Variants in OR3A3 observed in about 807,000 individuals in gnomAD.
The protein encoded by OR3A3 is olfactory receptor 3A3.
For synonymous variants in OR3A3, 103 were observed against 163.9 expected, an observed-to-expected ratio of 0.63 and a Z score of 2.84; for missense variants, 275 against 391.4, an observed-to-expected ratio of 0.70 and a Z score of 2.51.
In OR3A3 at chr17:3,421,153, C is replaced by T. The variant is rs143072792; in HGVS notation, c.568C>T (p.Leu190Phe). ...CTGTGACCTCCCACAGCTCTTCCAGCTCTCCTGCTCCAGCACCCAACTCAA... is the reference window on the plus strand; with the variant it reads ...CTGTGACCTCCCACAGCTCTTCCAGTTCTCCTGCTCCAGCACCCAACTCAA... Residue 190 changes from leucine (L) to phenylalanine (F), a missense_variant, in exon 3 of 3, where the codon CTC becomes TTC. Coordinates refer to ENST00000641141, the Ensembl canonical transcript of OR3A3. 1.1e-5 allele frequency: 18 copies of T among 1,614,088 alleles called. No homozygotes were observed. The highest frequency in any genetic ancestry group is 1.5e-5 in the Non-Finnish European group (18 of 1,180,044).
At chr17:3,422,023 G>A (rs115092981) in exon 3 of OR3A3, 10 of 152,870 alleles carry the variant, frequency 6.5e-5, no homozygotes, top group African/African-American at 2.4e-4. Flanking sequence ...CTACAGGAAA[G>A]GGCCACTTCA....
intron 2 of OR3A3, 108 bp from the exon 3 acceptor site, chr17:3,420,472 T>G: frequency 6.5e-7 from 1 of 1,527,340 alleles, no homozygotes; most frequent in Non-Finnish European, 8.8e-7. Context: ...GTTGGAGGAG[T>G]GAGGGATGGC....
At chr17:3,421,836 A>G (rs1051990513) in exon 3 of OR3A3, 4 of 261,220 alleles carry the variant, frequency 1.5e-5, no homozygotes, top group Admixed American at 9.7e-5. Flanking sequence ...TAAGCATCAT[A>G]TATAGTATAC....
At chr17:3,420,884 G>C (rs1379918012) in exon 3 of OR3A3, 1 of 1,580,466 alleles carries the variant, frequency 6.3e-7, no homozygotes, top group Non-Finnish European at 8.7e-7. Flanking sequence ...TATGACGCCT[G>C]CCTCTCCCAG....
exon 2 of OR3A3, chr17:3,412,029 C>G (rs1389692816): frequency 6.6e-6 from 1 of 151,824 alleles, no homozygotes; most frequent in Non-Finnish European, 1.5e-5. Flanking sequence ...GAACACAGCC[C>G]TGTACAGAGA....
At chr17:3,418,635 C>A (rs1010553232) in intron 2 of OR3A3, among the ~76,000 whole-genome samples, 2 of 152,188 alleles carry the variant, frequency 1.3e-5, no homozygotes, top group African/African-American at 2.4e-5. Context: ...ATCAACCATA[C>A]TACTACAGCA....
At chr17:3,413,767 C>A (rs2072374533) in intron 2 of OR3A3, among the ~76,000 whole-genome samples, 2 of 148,138 alleles carry the variant, frequency 1.4e-5, no homozygotes, top group Admixed American at 1.4e-4. Context: ...GAGCCAAGAT[C>A]ATCAAAATCA....
chr17:3,413,165 T>C (rs2072371209), intron 2 of OR3A3, among the ~76,000 whole-genome samples: 1 of 152,114 alleles, frequency 6.6e-6, no homozygotes, highest in Admixed American at 6.5e-5. Flanking sequence ...GTAAGTTGCA[T>C]GAAATAATAT....
intron 2 of OR3A3, among the ~76,000 whole-genome samples, chr17:3,414,240 T>C (rs2072378223): frequency 1.3e-5 from 2 of 151,954 alleles, no homozygotes; most frequent in Non-Finnish European, 2.9e-5. Context: ...CCGGACTAAT[T>C]TTTTGTATTT....
intron 2 of OR3A3, among the ~76,000 whole-genome samples, chr17:3,416,382 T>A (rs538692224): frequency 3.3e-5 from 5 of 152,250 alleles, no homozygotes; most frequent in African/African-American, 7.2e-5. Flanking sequence ...GTTAATCTTT[T>A]ATGATTTCAT....
At chr17:3,418,787 G>T (rs1186626187) in intron 2 of OR3A3, among the ~76,000 whole-genome samples, 1 of 152,136 alleles carries the variant, frequency 6.6e-6, no homozygotes. Flanking sequence ...AGATACAAGG[G>T]TATGATATTG....
exon 3 of OR3A3, chr17:3,423,953 G>GAAAAAAAAAAAAAAAAAAAA (rs148900480): frequency 8.3e-6 from 1 of 120,040 alleles, no homozygotes; most frequent in Non-Finnish European, 1.7e-5. Flanking sequence ...CTCAAAAAAA[G>GAAAAAAAAAAAAAAAAAAAA]AAAAAAAAAA....
chr17:3,418,945 A>T lies in OR3A3; in HGVS notation c.-6-1635A>T, dbSNP rs16953022. Among the ~76,000 whole-genome samples the T allele has an allele frequency of 7.7e-3, 1,173 of 152,272 alleles. 15 individuals are homozygous for T. The highest frequency in any genetic ancestry group is 0.026 in the African/African-American group (1,088 of 41,546). On this transcript the variant is annotated intron_variant, in intron 2 of 2. Coordinates refer to ENST00000641141, the Ensembl canonical transcript of OR3A3. The stretch of plus-strand genomic sequence containing the variant: ...TAGCCTTAGAGTCATTGGTCAATCT[A>T]CCATGCCTGAATGAAGGACAAGTAG...
intron 2 of OR3A3, among the ~76,000 whole-genome samples, chr17:3,417,493 T>A (rs1042437758): frequency 6.6e-5 from 10 of 152,124 alleles, no homozygotes; most frequent in African/African-American, 2.4e-4. Context: ...GTAAAAAAAA[T>A]TCAGTGCTTA....
intron 2 of OR3A3, among the ~76,000 whole-genome samples, chr17:3,415,098 A>G (rs1286593709): frequency 6.6e-6 from 1 of 151,242 alleles, no homozygotes; most frequent in African/African-American, 2.4e-5. Context: ...TACTTACTGA[A>G]TATCTTACCA....
At chr17:3,411,834 T>A (rs1241166471) in intron 1 of OR3A3, 144 bp from the exon 2 acceptor site, 1 of 152,446 alleles carries the variant, frequency 6.6e-6, no homozygotes, top group South Asian at 2.1e-4. Context: ...CGTAACAACC[T>A]GCCCACAAAG....
chr17:3,420,063 G>A (rs150170131), intron 2 of OR3A3, among the ~76,000 whole-genome samples: 2,237 of 152,166 alleles, frequency 0.015, 47 homozygotes, highest in African/African-American at 0.045. Context: ...CACTGCGCCC[G>A]GGGAAAATTC....
chr17:3,414,095 A>C (rs2072377141), intron 2 of OR3A3, among the ~76,000 whole-genome samples: 1 of 151,956 alleles, frequency 6.6e-6, no homozygotes, highest in South Asian at 2.1e-4. Context: ...TTTGAGACAG[A>C]GTCTCAGACG....
chr17:3,415,542 C>CA lies in OR3A3; in HGVS notation c.-7+3375dup, dbSNP rs1451898007. On this transcript the variant is annotated intron_variant, in intron 2 of 2. Transcript: ENST00000641141. ...TGCCACTGCACTCCAGCCTGGGTGA[C>CA]AAAAGCGAAACTCCAACTCAAAAAA... Among the ~76,000 whole-genome samples the CA allele has an allele frequency of 6.5e-5, 7 of 107,212 alleles. No individual in the cohort carries two copies. The Admixed American group carries it at 6.8e-4, about 10-fold the overall frequency. 70.3% of individuals were successfully genotyped at this position (107,212 alleles called of 152,430 possible). A position where few individuals can be genotyped will look rare whatever the true frequency, so the allele number is the denominator to read the frequency against.
Sources: allele counts gnomAD v4.1 joint callset (sites outside exome capture counted in the v4.1 genomes callset), GRCh38; gene constraint gnomAD v4.1.1; transcripts MANE v1.5; gene names NCBI Gene and HGNC (gene_info 2026-07-23, HGNC 2026-07-21).